The following VRK1 variants were observed in gnomAD, a reference collection of about 807,000 sequenced individuals.
The protein encoded by VRK1 is serine/threonine-protein kinase VRK1.
Under a neutral mutation model 57.1 loss-of-function variants are expected in VRK1, and 33 were observed. The observed-to-expected ratio is 0.58, with a 90% CI of 0.44 to 0.77. The LOEUF is 0.77. VRK1 is among the 30% of genes least tolerant of loss of function. The pLI is 0.00. For missense variants in VRK1, 413 were observed against 477.3 expected, an observed-to-expected ratio of 0.87 and a Z score of 1.25; for synonymous variants, 137 against 147.8, an observed-to-expected ratio of 0.93 and a Z score of 0.53.
chr14:96,868,843 C>T (rs544319598), intron 11 of VRK1, among the ~76,000 whole-genome samples: 10 of 147,102 alleles, frequency 6.8e-5, no homozygotes, highest in Admixed American at 1.4e-4. Context: ...GCTCTTGTTG[C>T]CCAGGCTGGA....
intron 1 of VRK1, among the ~76,000 whole-genome samples, chr14:96,827,057 ATTAATAAGCC>A (rs1274993707): frequency 6.6e-6 from 1 of 152,130 alleles, no homozygotes; most frequent in Non-Finnish European, 1.5e-5. Context: ...TGAGAGGCAC[ATTAATAAGCC>A]TTTGTCTGGG....
intron 1 of VRK1, among the ~76,000 whole-genome samples, chr14:96,825,830 T>G (rs1425052530): frequency 2.0e-5 from 3 of 152,244 alleles, no homozygotes; most frequent in African/African-American, 7.2e-5. Flanking sequence ...GAGAAGTTTA[T>G]GACTTTAAAG....
chr14:96,866,465 T>C (rs1444231089), intron 11 of VRK1, among the ~76,000 whole-genome samples: 1 of 152,186 alleles, frequency 6.6e-6, no homozygotes, highest in African/African-American at 2.4e-5. Context: ...ACTTTAGTTC[T>C]TTATGTGTTT....
chr14:96,827,922 C>T (rs1284975418), intron 1 of VRK1, among the ~76,000 whole-genome samples: 1 of 152,146 alleles, frequency 6.6e-6, no homozygotes, highest in East Asian at 1.9e-4. Flanking sequence ...ATTGTTTAAA[C>T]ACCAAGATTG....
At chr14:96,852,109 C>T (rs565481676) in intron 5 of VRK1, among the ~76,000 whole-genome samples, 7 of 152,260 alleles carry the variant, frequency 4.6e-5, no homozygotes, top group African/African-American at 7.2e-5. Flanking sequence ...TGAAATATAA[C>T]GTGATTATTG....
chr14:96,807,368 CTT>C (rs921810552), intron 1 of VRK1, among the ~76,000 whole-genome samples: 1 of 152,190 alleles, frequency 6.6e-6, no homozygotes, highest in Admixed American at 6.5e-5. Context: ...TATTCTCAGT[CTT>C]TTTGATTTGA....
At chr14:96,809,315 T>C (rs539954015) in intron 1 of VRK1, among the ~76,000 whole-genome samples, 27 of 152,204 alleles carry the variant, frequency 1.8e-4, no homozygotes, top group African/African-American at 5.8e-4. Flanking sequence ...TTATGAGAGG[T>C]GTGTCAAAGA....
At chr14:96,811,082 A>G (rs1301863500) in intron 1 of VRK1, among the ~76,000 whole-genome samples, 1 of 152,082 alleles carries the variant, frequency 6.6e-6, no homozygotes, top group Non-Finnish European at 1.5e-5. Flanking sequence ...GGTGCACGCC[A>G]CCACGCCCAG....
intron 7 of VRK1, among the ~76,000 whole-genome samples, chr14:96,854,905 T>C (rs889123816): frequency 6.6e-6 from 1 of 152,194 alleles, no homozygotes; most frequent in Non-Finnish European, 1.5e-5. Flanking sequence ...TAAGATAAAG[T>C]ATAAAATGTA....
chr14:96,868,046 G>GTA (rs1251482891), intron 11 of VRK1, among the ~76,000 whole-genome samples: 1 of 152,004 alleles, frequency 6.6e-6, no homozygotes, highest in Non-Finnish European at 1.5e-5. Flanking sequence ...TTTTAATAGT[G>GTA]TATACCTCAG....
intron 5 of VRK1, 45 bp from the exon 6 acceptor site, chr14:96,852,786 T>C (rs764510402): frequency 1.3e-6 from 2 of 1,518,718 alleles, no homozygotes; most frequent in African/African-American, 1.4e-5. Context: ...AAGTTGGTTT[T>C]CTTGCATTGT....
chr14:96,850,374 A>G (rs1450007039), intron 5 of VRK1, among the ~76,000 whole-genome samples: 2 of 152,158 alleles, frequency 1.3e-5, no homozygotes, highest in African/African-American at 4.8e-5. Flanking sequence ...TGCACATTTT[A>G]TCCAAGTCTC....
At chr14:96,838,330 T>G (rs1425345461) in intron 3 of VRK1, among the ~76,000 whole-genome samples, 1 of 152,196 alleles carries the variant, frequency 6.6e-6, no homozygotes. Flanking sequence ...GAGTAAAGAT[T>G]GGCAACATCC....
chr14:96,870,555 G>A (rs888535530), intron 11 of VRK1, among the ~76,000 whole-genome samples: 2 of 152,112 alleles, frequency 1.3e-5, no homozygotes, highest in African/African-American at 2.4e-5. Context: ...AACAGCTTTC[G>A]TCTTGTTAAC....
chr14:96,809,720 C>T (rs959090107), intron 1 of VRK1, among the ~76,000 whole-genome samples: 2 of 151,890 alleles, frequency 1.3e-5, no homozygotes, highest in South Asian at 2.1e-4. Flanking sequence ...TTATAGGCGC[C>T]TGCCACCACG....
chr14:96,865,830 T>G (rs1888565817), intron 11 of VRK1, among the ~76,000 whole-genome samples: 1 of 152,180 alleles, frequency 6.6e-6, no homozygotes, highest in African/African-American at 2.4e-5. Flanking sequence ...GTCAGATATG[T>G]TTGCTCTGTT....
At chr14:96,838,822 A>G (rs966955284) in intron 3 of VRK1, among the ~76,000 whole-genome samples, 11 of 152,288 alleles carry the variant, frequency 7.2e-5, no homozygotes, top group East Asian at 3.9e-4. Flanking sequence ...TTTATATTTT[A>G]TCTCTTAGGA....
rs1397151992 is a variant in VRK1, at chr14:96,876,022, T to A, written c.1069-8T>A. 1.2e-6 allele frequency: 2 copies of A among 1,612,102 alleles called. No individual in the cohort carries two copies. Among genetic ancestry groups the A allele is most frequent in the African/African-American group, 2.7e-5 (2 of 74,880 alleles). ...ATCTCTCTCTCTCTCTTTAATTTTA[T>A]ATGTAAGAAGCGAAAGAAAGAAATT... On this transcript the variant is annotated splice_polypyrimidine_tract_variant and splice_region_variant and intron_variant, in intron 11 of 12. Transcript: ENST00000216639.
intron 3 of VRK1, among the ~76,000 whole-genome samples, chr14:96,841,672 A>G (rs1887466821): frequency 6.6e-6 from 1 of 152,180 alleles, no homozygotes; most frequent in East Asian, 1.9e-4. Flanking sequence ...AGCCTGGCCA[A>G]CATGGTGAAA....
Sources: gnomAD v4.1 joint callset for allele counts (sites outside exome capture counted in the v4.1 genomes callset) on GRCh38, gnomAD v4.1.1 for gene constraint, MANE v1.5 for transcripts, NCBI Gene and HGNC (gene_info 2026-07-23, HGNC 2026-07-21) for gene names.